PPM1L: variants seen among roughly 807,000 people sequenced by gnomAD.
PPM1L encodes the protein protein phosphatase 1L.
In PPM1L, 13 loss-of-function variants were observed where a neutral mutation model predicts 31.4. The observed-to-expected ratio is 0.41, with a 90% CI of 0.27 to 0.66. The LOEUF (loss-of-function observed/expected upper bound fraction) is 0.66. PPM1L is among the 30% of genes least tolerant of loss of function. The pLI, the probability that PPM1L is intolerant of heterozygous loss-of-function variation, is 0.29. For missense variants in PPM1L, 326 were observed against 453.7 expected (o/e 0.72, Z 2.56); for synonymous variants, 184 against 175.4 (o/e 1.05, Z -0.39).
Position 161,071,206 on chromosome 3 carries a change from A to C in PPM1L, c.*2049A>C, listed in dbSNP as rs1182126398. The C allele has an allele frequency of 1.3e-5, 2 of 152,250 alleles. No homozygotes were observed. The highest frequency in any genetic ancestry group is 4.8e-5 in the African/African-American group (2 of 41,450). The allele number at this position is 152,250 out of a possible 1,614,324, so 9.4% of individuals were successfully genotyped here. ...GAAATTCAGGACATTCTGACTCCTAAGAGTTGCCCCCACCCACCATCAAAC... is the reference window on the plus strand; with the variant it reads ...GAAATTCAGGACATTCTGACTCCTACGAGTTGCCCCCACCCACCATCAAAC... On this transcript the variant is annotated 3_prime_UTR_variant, in exon 4 of 4. Transcript: ENST00000498165.
intron 2 of PPM1L, among the ~76,000 whole-genome samples, chr3:161,046,597 G>A (rs1188917352): frequency 6.6e-6 from 1 of 152,124 alleles, no homozygotes; most frequent in Non-Finnish European, 1.5e-5. Flanking sequence ...TATGAGGCCA[G>A]CATCATCCTG....
chr3:160,866,482 AT>A (rs1712091703), intron 1 of PPM1L, among the ~76,000 whole-genome samples: 1 of 152,202 alleles, frequency 6.6e-6, no homozygotes, highest in South Asian at 2.1e-4. Flanking sequence ...AATACTCAAC[AT>A]TTAGGAACTT....
intron 1 of PPM1L, among the ~76,000 whole-genome samples, chr3:160,926,947 C>T (rs561750065): frequency 6.6e-6 from 1 of 152,284 alleles, no homozygotes; most frequent in East Asian, 1.9e-4. Flanking sequence ...TTGTTTAGTC[C>T]TATAAATAAT....
chr3:161,052,897 G>C (rs1396634054), intron 2 of PPM1L, among the ~76,000 whole-genome samples: 1 of 152,074 alleles, frequency 6.6e-6, no homozygotes, highest in Non-Finnish European at 1.5e-5. Flanking sequence ...TCCTGTCTCT[G>C]CCTTTCTCCT....
chr3:161,065,815 C>T (rs2108110659), intron 3 of PPM1L, among the ~76,000 whole-genome samples: 1 of 152,264 alleles, frequency 6.6e-6, no homozygotes, highest in East Asian at 1.9e-4. Flanking sequence ...ATCTTTGGGC[C>T]CCGGGTTCTC....
intron 1 of PPM1L, among the ~76,000 whole-genome samples, chr3:160,874,217 C>T (rs1030967237): frequency 3.9e-5 from 6 of 152,152 alleles, no homozygotes; most frequent in Admixed American, 2.6e-4. Context: ...ATCTTGAGTG[C>T]ATAACTCAAA....
chr3:160,971,348 G>A (rs1716335788), intron 2 of PPM1L, among the ~76,000 whole-genome samples: 1 of 152,192 alleles, frequency 6.6e-6, no homozygotes, highest in Non-Finnish European at 1.5e-5. Context: ...AACACTGACT[G>A]AATGAGCATC....
intron 2 of PPM1L, among the ~76,000 whole-genome samples, chr3:161,049,661 G>T (rs1180746445): frequency 6.6e-6 from 1 of 152,186 alleles, no homozygotes; most frequent in Non-Finnish European, 1.5e-5. Flanking sequence ...CATGTACCTT[G>T]CAGGATTTTT....
intron 1 of PPM1L, among the ~76,000 whole-genome samples, chr3:160,759,783 G>A (rs891198730): frequency 2.0e-5 from 3 of 152,156 alleles, no homozygotes; most frequent in African/African-American, 7.2e-5. Flanking sequence ...TAGCAGCATA[G>A]GTTTTGACTT....
chr3:160,790,844 C>A (rs1560107932), intron 1 of PPM1L, among the ~76,000 whole-genome samples: 1 of 151,998 alleles, frequency 6.6e-6, no homozygotes, highest in Non-Finnish European at 1.5e-5. Flanking sequence ...TTCATATTTT[C>A]TCATTCATGT....
chr3:161,005,100 A>T (rs1011591887), intron 2 of PPM1L, among the ~76,000 whole-genome samples: 11 of 152,002 alleles, frequency 7.2e-5, no homozygotes, highest in African/African-American at 2.7e-4. Flanking sequence ...TGTTATTGGT[A>T]TGTTGTGTCT....
intron 2 of PPM1L, among the ~76,000 whole-genome samples, chr3:160,998,491 C>T (rs1717391760): frequency 6.6e-6 from 1 of 151,784 alleles, no homozygotes; most frequent in Non-Finnish European, 1.5e-5. Flanking sequence ...TTTTTTTTCC[C>T]TTTGCAGCAA....
chr3:160,952,500 G>A (rs372830555), intron 1 of PPM1L, among the ~76,000 whole-genome samples: 35 of 152,138 alleles, frequency 2.3e-4, no homozygotes, highest in East Asian at 9.7e-4. Context: ...ATCATCCCTC[G>A]GTGACCATTT....
At chr3:160,793,603 C>G (rs1243548491) in intron 1 of PPM1L, among the ~76,000 whole-genome samples, 1 of 152,056 alleles carries the variant, frequency 6.6e-6, no homozygotes, top group African/African-American at 2.4e-5. Flanking sequence ...GTAAAGTGTG[C>G]GTGTTGATTT....
intron 1 of PPM1L, among the ~76,000 whole-genome samples, chr3:160,785,301 A>T (rs1389880053): frequency 6.6e-6 from 1 of 152,122 alleles, no homozygotes; most frequent in Non-Finnish European, 1.5e-5. Flanking sequence ...GAAATAATAA[A>T]TTATTTTATT....
intron 2 of PPM1L, among the ~76,000 whole-genome samples, chr3:161,032,320 A>G (rs1718594923): frequency 6.6e-6 from 1 of 152,214 alleles, no homozygotes; most frequent in Non-Finnish European, 1.5e-5. Flanking sequence ...GTGAATACTC[A>G]AAGTGTACGA....
intron 2 of PPM1L, among the ~76,000 whole-genome samples, chr3:161,005,362 A>G (rs1177850488): frequency 6.6e-6 from 1 of 152,194 alleles, no homozygotes; most frequent in African/African-American, 2.4e-5. Context: ...TATGAAGCCT[A>G]CCTTTTAAAG....
At chr3:160,948,619 C>T (rs1284789839) in intron 1 of PPM1L, among the ~76,000 whole-genome samples, 2 of 152,126 alleles carry the variant, frequency 1.3e-5, no homozygotes, top group South Asian at 4.1e-4. Context: ...ATTCCAGGTG[C>T]TCCCTTGCAT....
rs1287222616 is a variant in PPM1L, at chr3:160,823,629, TATA to T, written c.399+66928_399+66930del. 4.6e-5 allele frequency among the ~76,000 whole-genome samples: 7 copies of T among 152,290 alleles called. No individual in the cohort carries two copies. In the East Asian group the frequency reaches 1.2e-3, roughly 25 times the overall value. On this transcript the variant is annotated intron_variant, in intron 1 of 3. Transcript: ENST00000498165. The stretch of plus-strand genomic sequence containing the variant: ...TATAGAAATGGCCAGAAATAATTAC[TATA>T]ATAATGCTAATTGTTACCATTTCTT...
Sources: allele counts gnomAD v4.1 joint callset (sites outside exome capture counted in the v4.1 genomes callset), GRCh38; gene constraint gnomAD v4.1.1; transcripts MANE v1.5; gene names NCBI Gene and HGNC (gene_info 2026-07-23, HGNC 2026-07-21).